Variants in AKAP10 observed in about 807,000 individuals in gnomAD.
AKAP10 encodes A-kinase anchoring protein 10, also known as A-kinase anchor protein 10, mitochondrial.
AKAP10 carries 24 observed loss-of-function variants against 80.8 expected under a neutral mutation model. The observed-to-expected ratio is 0.30, with a 90% CI of 0.22 to 0.42. AKAP10 has a LOEUF of 0.42. Ranked by LOEUF, AKAP10 falls within the 10% of genes least tolerant of loss-of-function variation. The pLI is 1.00. For synonymous variants in AKAP10, 291 were observed against 277.7 expected, an observed-to-expected ratio of 1.05 and a Z score of -0.48; for missense variants, 661 against 794.9, an observed-to-expected ratio of 0.83 and a Z score of 2.03.
intron 12 of AKAP10, among the ~76,000 whole-genome samples, chr17:19,915,829 C>T (rs1597489468): frequency 6.6e-6 from 1 of 152,242 alleles, no homozygotes; most frequent in Middle Eastern, 3.4e-3. Context: ...TTCTTGAAGC[C>T]CTACACTAAA....
chr17:19,971,025 T>C lies in AKAP10; in HGVS notation c.89-2564A>G, dbSNP rs117826988. Reference sequence around the variant, plus strand: ...TCATGCCACCATACCTAATTATCCTTTCTGTTGTTGAGATGGGGTCTTGCT... The same window carrying C: ...TCATGCCACCATACCTAATTATCCTCTCTGTTGTTGAGATGGGGTCTTGCT... On this transcript the variant is annotated intron_variant, in intron 1 of 14. Transcript: ENST00000225737. 2.0e-3 allele frequency among the ~76,000 whole-genome samples: 306 copies of C among 151,742 alleles called. 9 individuals carry two copies. In the East Asian group the frequency reaches 0.05, roughly 25 times the overall value.
chr17:19,952,334 C>T lies in AKAP10; in HGVS notation c.878-4829G>A, dbSNP rs72479775. ...CAAAAAATCAGCCAGGCATGGTGCG[C>T]GTGCCTGTAATCCCAGCTACTTGGG... is the stretch of plus-strand genomic sequence containing the variant. On this transcript the variant is annotated intron_variant, in intron 4 of 14. Transcript: ENST00000225737. Among the ~76,000 whole-genome samples the T allele has an allele frequency of 3.0e-3, 452 of 151,832 alleles. 15 individuals carry two copies. In the East Asian group the frequency reaches 0.075, roughly 25 times the overall value.
intron 1 of AKAP10, among the ~76,000 whole-genome samples, chr17:19,973,212 C>A (rs1421937851): frequency 6.6e-6 from 1 of 152,072 alleles, no homozygotes; most frequent in Non-Finnish European, 1.5e-5. Flanking sequence ...ACTCCTGACC[C>A]CAAGTGATCC....
intron 10 of AKAP10, among the ~76,000 whole-genome samples, chr17:19,926,801 C>A (rs2042879189): frequency 6.6e-6 from 1 of 152,180 alleles, no homozygotes; most frequent in Non-Finnish European, 1.5e-5. Context: ...TCCATGTTCA[C>A]AAATTAGAAG....
rs964190291 is a variant in AKAP10, at chr17:19,960,104, A to G, written c.320-1533T>C. Among the ~76,000 whole-genome samples the G allele has an allele frequency of 2.6e-5, 4 of 152,096 alleles. No individual in the cohort carries two copies. The South Asian group carries it at 8.3e-4, about 31-fold the overall frequency. On this transcript the variant is annotated intron_variant, in intron 3 of 14. Coordinates refer to ENST00000225737, the MANE Select transcript of AKAP10 (RefSeq NM_007202.4). ...TCTAAAAAAATAATAATACCTAGAG[A>G]TCCCTTGTACACTTTAGTTTCTCCC...
chr17:19,908,810 AG>A lies in AKAP10; in HGVS notation c.1983+370del, dbSNP rs369728979. On this transcript the variant is annotated intron_variant, in intron 14 of 14. Transcript: ENST00000225737. ...GCCTGCCACCACACCCGGCTAAGACAGGGTTTCACCATGTTGGCCAGGCTGG... is the reference window on the plus strand; with the variant it reads ...GCCTGCCACCACACCCGGCTAAGACAGGTTTCACCATGTTGGCCAGGCTGG... Among the ~76,000 whole-genome samples, 398 of 152,048 alleles carry A rather than the reference AG, an allele frequency of 2.6e-3. 1 individual carries two copies. The highest frequency in any genetic ancestry group is 9.1e-3 in the African/African-American group (376 of 41,492).
At chr17:19,942,848 A>T (rs867522661) in intron 5 of AKAP10, among the ~76,000 whole-genome samples, 3 of 151,828 alleles carry the variant, frequency 2.0e-5, no homozygotes, top group Non-Finnish European at 4.4e-5. Context: ...TTCCTAGACA[A>T]TACAAATCTG....
chr17:19,974,570 G>A (rs1567780876), intron 1 of AKAP10, among the ~76,000 whole-genome samples: 1 of 152,092 alleles, frequency 6.6e-6, no homozygotes, highest in Non-Finnish European at 1.5e-5. Context: ...TGGATTCAGG[G>A]GCAAGGATCC....
chr17:19,924,669 C>A, intron 10 of AKAP10, 152 bp from the exon 11 acceptor site: 1 of 471,336 alleles, frequency 2.1e-6, no homozygotes. Context: ...AACAATGACT[C>A]TGAAATGTAA....
chr17:19,956,697 G>C (rs1045252957), intron 4 of AKAP10, among the ~76,000 whole-genome samples: 2 of 152,084 alleles, frequency 1.3e-5, no homozygotes, highest in Non-Finnish European at 2.9e-5. Context: ...CCAGCTTACA[G>C]TAACTTTGCG....
intron 10 of AKAP10, among the ~76,000 whole-genome samples, chr17:19,925,887 A>C (rs893103749): frequency 2.0e-5 from 3 of 152,222 alleles, no homozygotes; most frequent in Admixed American, 2.0e-4. Context: ...TTCAAAACTT[A>C]TTACAAAGCA....
intron 12 of AKAP10, among the ~76,000 whole-genome samples, chr17:19,918,362 T>C (rs1198005123): frequency 6.6e-6 from 1 of 152,100 alleles, no homozygotes; most frequent in African/African-American, 2.4e-5. Context: ...CTGGCCAATG[T>C]AGTGAAACCC....
At chr17:19,928,242 T>TA (rs1183256238) in intron 10 of AKAP10, among the ~76,000 whole-genome samples, 1 of 151,138 alleles carries the variant, frequency 6.6e-6, no homozygotes, top group African/African-American at 2.4e-5. Flanking sequence ...AATAAATAAA[T>TA]AAAAATAAAA....
intron 4 of AKAP10, among the ~76,000 whole-genome samples, chr17:19,948,592 A>C (rs2043162584): frequency 6.6e-6 from 1 of 152,248 alleles, no homozygotes; most frequent in East Asian, 1.9e-4. Flanking sequence ...AGCTACAGGA[A>C]GTGTGCTGAA....
intron 4 of AKAP10, among the ~76,000 whole-genome samples, chr17:19,949,737 C>T (rs1026898745): frequency 2.8e-5 from 4 of 145,046 alleles, no homozygotes; most frequent in Non-Finnish European, 3.0e-5. Flanking sequence ...CACTGCACTC[C>T]AGCCTGGTAA....
At chr17:19,959,665 AT>A (rs1567773689) in intron 3 of AKAP10, among the ~76,000 whole-genome samples, 2 of 152,160 alleles carry the variant, frequency 1.3e-5, no homozygotes, top group African/African-American at 4.8e-5. Flanking sequence ...AAGACAAAAA[AT>A]TTTTTTAAAA....
rs188425366 is a variant in AKAP10 at position 19,919,097 on chromosome 17, C to T, written c.1834+939G>A. Among the ~76,000 whole-genome samples, 13 of 147,486 alleles carry T rather than the reference C, an allele frequency of 8.8e-5. 1 individual carries two copies. The highest frequency in any genetic ancestry group is 8.2e-4 in the Admixed American group (12 of 14,660). ...CCCCAGCCCCCCACCCCACGACAGGCCCCAGCGTGTGATGTTCCCCACCCT... is the reference window on the plus strand; with the variant it reads ...CCCCAGCCCCCCACCCCACGACAGGTCCCAGCGTGTGATGTTCCCCACCCT... On this transcript the variant is annotated intron_variant, in intron 12 of 14. Transcript: ENST00000225737.
chr17:19,962,261 A>AACATACAT (rs59111461), intron 3 of AKAP10, among the ~76,000 whole-genome samples: 21 of 150,696 alleles, frequency 1.4e-4, no homozygotes, highest in African/African-American at 4.4e-4. Context: ...AATAGCCTTC[A>AACATACAT]ACATACATAC....
chr17:19,949,492 C>A (rs2043173877), intron 4 of AKAP10, among the ~76,000 whole-genome samples: 1 of 152,094 alleles, frequency 6.6e-6, no homozygotes, highest in Non-Finnish European at 1.5e-5. Context: ...AAAGACTTAG[C>A]CGGGCGCGGT....
Sources: allele counts gnomAD v4.1 joint callset (sites outside exome capture counted in the v4.1 genomes callset), GRCh38; gene constraint gnomAD v4.1.1; transcripts MANE v1.5; gene names NCBI Gene and HGNC (gene_info 2026-07-23, HGNC 2026-07-21).